The following LPP variants were observed in gnomAD, a reference collection of about 807,000 sequenced individuals.
LPP encodes the protein LIM domain containing preferred translocation partner in lipoma, also known as lipoma-preferred partner.
A neutral mutation model predicts 60.4 loss-of-function variants in LPP; 38 were observed. That is an observed-to-expected ratio of 0.63 (90% CI 0.49 to 0.83). The LOEUF (loss-of-function observed/expected upper bound fraction) is 0.83. Among genes scored for constraint, LPP ranks in the 40% least tolerant of loss-of-function variants. The pLI is 0.00. For missense variants in LPP, 902 were observed against 783.6 expected (o/e 1.15, Z -1.80); for synonymous variants, 328 against 290.8 (o/e 1.13, Z -1.30).
intron 6 of LPP, among the ~76,000 whole-genome samples, chr3:188,535,610 C>T (rs115384703): frequency 1.4e-3 from 216 of 152,098 alleles, no homozygotes; most frequent in African/African-American, 5.1e-3. Context: ...ATAAGTGTGG[C>T]CGAAGTGAAT....
intron 7 of LPP, among the ~76,000 whole-genome samples, chr3:188,661,762 A>G (rs887763842): frequency 6.6e-6 from 1 of 152,194 alleles, no homozygotes; most frequent in African/African-American, 2.4e-5. Context: ...ACAAAGATGC[A>G]TTTTTGACAT....
At chr3:188,427,762 C>A (rs926156540) in intron 4 of LPP, among the ~76,000 whole-genome samples, 1 of 152,136 alleles carries the variant, frequency 6.6e-6, no homozygotes, top group East Asian at 1.9e-4. Context: ...GCCCCTCCCC[C>A]CACCAAGCTG....
chr3:188,733,052 A>C (rs555985001), intron 8 of LPP, among the ~76,000 whole-genome samples: 69 of 152,158 alleles, frequency 4.5e-4, no homozygotes, highest in African/African-American at 1.6e-3. Flanking sequence ...TCAGTGAAAA[A>C]GGGCTGGAAC....
chr3:188,504,810 G>T (rs80351602), intron 5 of LPP, among the ~76,000 whole-genome samples: 4 of 151,292 alleles, frequency 2.6e-5, no homozygotes, highest in African/African-American at 9.7e-5. Context: ...AAAAAAAAAG[G>T]ACTGGCCTTT....
intron 5 of LPP, among the ~76,000 whole-genome samples, chr3:188,498,390 C>T (rs1810867041): frequency 6.6e-6 from 1 of 152,148 alleles, no homozygotes; most frequent in African/African-American, 2.4e-5. Context: ...CACCATTCTA[C>T]TCTCTGTCTC....
rs779706842 is a variant in LPP, at chr3:188,410,456, C to G, written c.193+4143C>G. ...ACATCAACTTATCTTTCTGGGGTAC[C>G]CATATTTATAATTTCTTTTATAAGA... On this transcript the variant is annotated intron_variant, in intron 4 of 11. Transcript: ENST00000617246. Among the ~76,000 whole-genome samples the G allele has an allele frequency of 2.0e-5, 3 of 152,250 alleles. No homozygotes were observed. The East Asian group carries it at 5.8e-4, about 29-fold the overall frequency.
intron 2 of LPP, among the ~76,000 whole-genome samples, chr3:188,309,165 C>T (rs955099093): frequency 1.3e-5 from 2 of 151,728 alleles, no homozygotes; most frequent in East Asian, 3.9e-4. Flanking sequence ...GGATTATAGA[C>T]GTGCATGACC....
At chr3:188,290,667 C>A (rs1224652528) in intron 2 of LPP, among the ~76,000 whole-genome samples, 1 of 152,158 alleles carries the variant, frequency 6.6e-6, no homozygotes, top group Non-Finnish European at 1.5e-5. Context: ...CTACTAATGA[C>A]CTTGGAAAAG....
At chr3:188,754,640 G>A (rs1729553470) in intron 8 of LPP, among the ~76,000 whole-genome samples, 1 of 152,032 alleles carries the variant, frequency 6.6e-6, no homozygotes, top group South Asian at 2.1e-4. Flanking sequence ...AATCTTTGGA[G>A]TTGGGAACCA....
chr3:188,300,497 A>G (rs926866483), intron 2 of LPP, among the ~76,000 whole-genome samples: 1 of 135,750 alleles, frequency 7.4e-6, no homozygotes, highest in African/African-American at 2.7e-5. Context: ...AATTTGAAGT[A>G]TCCAGTTTTT....
rs1308337153 is a variant in LPP, at chr3:188,456,315, T to C, written c.194-28277T>C. On this transcript the variant is annotated intron_variant, in intron 4 of 11. Transcript: ENST00000617246. ...GATCTTGGTGTAAGTACAGTTTTTC[T>C]TCTAGTCATGGTTTAAAATATCTGA... Among the ~76,000 whole-genome samples the C allele has an allele frequency of 2.0e-5, 3 of 152,344 alleles. No homozygotes were observed. The East Asian group carries it at 5.8e-4, about 29-fold the overall frequency.
intron 2 of LPP, among the ~76,000 whole-genome samples, chr3:188,236,116 T>C (rs558633389): frequency 5.1e-4 from 78 of 152,286 alleles, no homozygotes; most frequent in Non-Finnish European, 7.6e-4. Flanking sequence ...TGAGTAAATA[T>C]GTAATATTTA....
intron 3 of LPP, among the ~76,000 whole-genome samples, chr3:188,364,873 T>C (rs1770641839): frequency 6.6e-6 from 1 of 152,296 alleles, no homozygotes; most frequent in Non-Finnish European, 1.5e-5. Flanking sequence ...TGATGTCTTG[T>C]ATTTAAAATG....
chr3:188,316,417 G>A (rs1297281246), intron 2 of LPP, among the ~76,000 whole-genome samples: 1 of 152,072 alleles, frequency 6.6e-6, no homozygotes, highest in Non-Finnish European at 1.5e-5. Flanking sequence ...TCCAGCCTGG[G>A]TGACTGACCA....
At chr3:188,583,189 C>A (rs1836650140) in intron 6 of LPP, among the ~76,000 whole-genome samples, 2 of 152,116 alleles carry the variant, frequency 1.3e-5, no homozygotes, top group Admixed American at 6.5e-5. Context: ...GGTTTGTTTT[C>A]CACGTGCGAA....
intron 9 of LPP, among the ~76,000 whole-genome samples, chr3:188,829,670 C>T (rs959043089): frequency 6.6e-5 from 10 of 152,064 alleles, no homozygotes; most frequent in Admixed American, 6.6e-4. Context: ...TTGGCCACGT[C>T]GACACCTGAA....
chr3:188,656,217 A>G (rs963327903), intron 7 of LPP, among the ~76,000 whole-genome samples: 4 of 143,482 alleles, frequency 2.8e-5, no homozygotes, highest in African/African-American at 1.0e-4. Flanking sequence ...AAAAAAAAAA[A>G]CACTTTGATT....
chr3:188,269,372 T>C (rs76308170), intron 2 of LPP, among the ~76,000 whole-genome samples: 10,183 of 152,350 alleles, frequency 0.067, 484 homozygotes, highest in Non-Finnish European at 0.099. Flanking sequence ...CGATCATTCT[T>C]TCCTTTTAAG....
intron 1 of LPP, among the ~76,000 whole-genome samples, chr3:188,188,899 C>T (rs1727353045): frequency 6.6e-6 from 1 of 152,124 alleles, no homozygotes; most frequent in Admixed American, 6.5e-5. Flanking sequence ...AAAAGCTTAA[C>T]AATTCATAGA....
Sources: gnomAD v4.1 joint callset for allele counts (sites outside exome capture counted in the v4.1 genomes callset) on GRCh38, gnomAD v4.1.1 for gene constraint, MANE v1.5 for transcripts, NCBI Gene and HGNC (gene_info 2026-07-23, HGNC 2026-07-21) for gene names.